The following PTPRK variants were observed in gnomAD, a reference collection of about 807,000 sequenced individuals.
The protein encoded by PTPRK is receptor-type tyrosine-protein phosphatase kappa.
A neutral mutation model predicts 178.0 loss-of-function variants in PTPRK; 75 were observed. The ratio of observed to expected loss-of-function variants is 0.42; its 90% CI spans 0.35 to 0.51. The LOEUF is 0.51. PTPRK is among the 20% of genes least tolerant of loss of function. The probability of loss-of-function intolerance (pLI) is 0.02; values close to 1 mark genes in which losing one functional copy is unlikely to be tolerated. For synonymous variants in PTPRK, 637 were observed against 620.6 expected (o/e 1.03, Z -0.39); for missense variants, 1,441 against 1,797.8 (o/e 0.80, Z 3.59).
At chr6:128,353,117 T>G (rs1833416779) in intron 2 of PTPRK, among the ~76,000 whole-genome samples, 1 of 152,164 alleles carries the variant, frequency 6.6e-6, no homozygotes, top group South Asian at 2.1e-4. Context: ...AGCAAGCACA[T>G]GAAAACATAT....
intron 5 of PTPRK, among the ~76,000 whole-genome samples, chr6:128,221,186 T>C (rs968793123): frequency 1.3e-5 from 2 of 152,208 alleles, no homozygotes; most frequent in African/African-American, 2.4e-5. Context: ...TGAAATTATA[T>C]TTTTAGAGTA....
chr6:128,507,799 A>G (rs886639918), intron 1 of PTPRK, among the ~76,000 whole-genome samples: 1 of 152,120 alleles, frequency 6.6e-6, no homozygotes, highest in African/African-American at 2.4e-5. Flanking sequence ...CTGTCCACCA[A>G]TCTTCTTGAT....
intron 3 of PTPRK, among the ~76,000 whole-genome samples, chr6:128,257,058 C>T (rs1228687801): frequency 6.6e-6 from 1 of 151,740 alleles, no homozygotes; most frequent in Admixed American, 6.6e-5. Context: ...AGGAGAAACC[C>T]CGTCTCTACT....
At chr6:128,281,988 GA>G (rs1243162032) in intron 3 of PTPRK, among the ~76,000 whole-genome samples, 1 of 150,900 alleles carries the variant, frequency 6.6e-6, no homozygotes, top group Non-Finnish European at 1.5e-5. Context: ...CTCATTGAGA[GA>G]AAAAAAAAGA....
At chr6:128,027,661 C>T (rs1329154970) in intron 13 of PTPRK, among the ~76,000 whole-genome samples, 1 of 152,052 alleles carries the variant, frequency 6.6e-6, no homozygotes, top group Non-Finnish European at 1.5e-5. Context: ...GCAGTGGAGC[C>T]ATCTCAGGTT....
intron 19 of PTPRK, among the ~76,000 whole-genome samples, chr6:127,992,436 C>T (rs1776714784): frequency 6.6e-6 from 1 of 151,746 alleles, no homozygotes; most frequent in African/African-American, 2.4e-5. Context: ...AGGATCAAAT[C>T]ATAATAACCA....
At chr6:128,470,203 G>A (rs1442776487) in intron 1 of PTPRK, among the ~76,000 whole-genome samples, 1 of 151,312 alleles carries the variant, frequency 6.6e-6, no homozygotes, top group African/African-American at 2.4e-5. Context: ...GGGAACTCAT[G>A]GTCTATTTCA....
chr6:128,111,584 T>G (rs1227269838), intron 7 of PTPRK, among the ~76,000 whole-genome samples: 33 of 151,682 alleles, frequency 2.2e-4, no homozygotes, highest in Non-Finnish European at 3.3e-4. Flanking sequence ...TGTAGTTTTA[T>G]GCTTACTTAA....
At chr6:128,376,900 C>A (rs749283415) in intron 2 of PTPRK, among the ~76,000 whole-genome samples, 3 of 152,210 alleles carry the variant, frequency 2.0e-5, no homozygotes, top group African/African-American at 7.2e-5. Flanking sequence ...CGGTTCCCAA[C>A]AAGTTCCTCA....
intron 13 of PTPRK, among the ~76,000 whole-genome samples, chr6:128,048,596 T>G (rs1333647805): frequency 1.3e-5 from 2 of 152,206 alleles, no homozygotes; most frequent in Non-Finnish European, 2.9e-5. Flanking sequence ...ACCCTTTATT[T>G]TTCTTCAAAG....
intron 13 of PTPRK, among the ~76,000 whole-genome samples, chr6:128,047,075 G>A (rs1778151780): frequency 1.3e-5 from 2 of 152,166 alleles, no homozygotes; most frequent in Non-Finnish European, 1.5e-5. Flanking sequence ...CAAGTAATTA[G>A]TGAATAGACC....
intron 1 of PTPRK, among the ~76,000 whole-genome samples, chr6:128,417,113 C>CT (rs936323898): frequency 6.6e-6 from 1 of 151,320 alleles, no homozygotes. Flanking sequence ...GTATTTTCCC[C>CT]TTTTTTTATA....
chr6:128,413,929 C>T (rs1269463631), intron 1 of PTPRK, among the ~76,000 whole-genome samples: 1 of 151,790 alleles, frequency 6.6e-6, no homozygotes, highest in Non-Finnish European at 1.5e-5. Flanking sequence ...CTTAATAACC[C>T]TATTAAAAAA....
At chr6:128,237,076 A>G (rs1813424742) in intron 5 of PTPRK, among the ~76,000 whole-genome samples, 1 of 152,228 alleles carries the variant, frequency 6.6e-6, no homozygotes, top group African/African-American at 2.4e-5. Context: ...TTCCATAACA[A>G]ATTATTTAAA....
chr6:128,475,602 T>C (rs566575331), intron 1 of PTPRK, among the ~76,000 whole-genome samples: 38 of 152,158 alleles, frequency 2.5e-4, no homozygotes, highest in African/African-American at 8.9e-4. Flanking sequence ...CAAGGCCAAC[T>C]GGCAAGTTTC....
chr6:128,411,307 T>C (rs777914672), intron 1 of PTPRK, among the ~76,000 whole-genome samples: 7 of 152,236 alleles, frequency 4.6e-5, no homozygotes, highest in African/African-American at 9.6e-5. Flanking sequence ...GCCAGCCATA[T>C]TGTACTTTTT....
chr6:128,451,781 C>A (rs1847828324), intron 1 of PTPRK, among the ~76,000 whole-genome samples: 1 of 151,924 alleles, frequency 6.6e-6, no homozygotes, highest in South Asian at 2.1e-4. Context: ...TCCACATAAA[C>A]CTAAGTTATT....
At chr6:128,056,633 C>G (rs1465809100) in intron 13 of PTPRK, among the ~76,000 whole-genome samples, 2 of 151,912 alleles carry the variant, frequency 1.3e-5, no homozygotes, top group African/African-American at 4.8e-5. Context: ...GCTATGTTGG[C>G]CAGGCTGGTC....
intron 1 of PTPRK, among the ~76,000 whole-genome samples, chr6:128,477,196 T>C (rs1468636024): frequency 6.6e-6 from 1 of 152,062 alleles, no homozygotes; most frequent in Non-Finnish European, 1.5e-5. Context: ...TTAAAGAAAA[T>C]ATACACAGTT....
Sources: gnomAD v4.1 joint callset for allele counts (sites outside exome capture counted in the v4.1 genomes callset) on GRCh38, gnomAD v4.1.1 for gene constraint, MANE v1.5 for transcripts, NCBI Gene and HGNC (gene_info 2026-07-23, HGNC 2026-07-21) for gene names.